The following C10orf71 variants were observed in gnomAD, a reference collection of about 807,000 sequenced individuals.
The protein encoded by C10orf71 is cardiac-enriched FHL2-interacting protein.
For synonymous variants in C10orf71, 758 were observed against 726.3 expected, an observed-to-expected ratio of 1.04 and a Z score of -0.70; for missense variants, 1,869 against 1,804.5, an observed-to-expected ratio of 1.04 and a Z score of -0.65.
chr10:49,324,869 G>T lies in C10orf71; in HGVS notation c.2324G>T (p.Arg775Leu). 6.4e-7 allele frequency: 1 copy of T among 1,551,790 alleles called. No homozygotes were observed. Among genetic ancestry groups the T allele is most frequent in the South Asian group, 1.2e-5 (1 of 84,052 alleles). ...AAGGATGAGAAGGAGAATGTGATGC[G>T]GAAGGATGAGCTGCAGTACTGTGCC... ...SQKDEKENVM[R>L]KDELQYCALS... The change falls in exon 3 of 3, where the codon CGG becomes CTG. Residue 775 changes from arginine (R) to leucine (L), a missense_variant. Coordinates refer to ENST00000374144, the MANE Select transcript of C10orf71 (RefSeq NM_001135196.2).
intron 1 of C10orf71, among the ~76,000 whole-genome samples, chr10:49,307,509 C>T (rs1345531959): frequency 2.6e-5 from 4 of 152,220 alleles, no homozygotes; most frequent in South Asian, 2.1e-4. Context: ...CAAAGAGGTG[C>T]TGCTGACAGC....
intron 1 of C10orf71, among the ~76,000 whole-genome samples, chr10:49,309,508 ATT>A (rs1160652328): frequency 6.6e-6 from 1 of 152,176 alleles, no homozygotes; most frequent in Non-Finnish European, 1.5e-5. Flanking sequence ...GTAAATGTCG[ATT>A]TTAAGCCTCC....
intron 1 of C10orf71, among the ~76,000 whole-genome samples, chr10:49,306,824 G>A (rs904321315): frequency 5.3e-5 from 8 of 152,194 alleles, no homozygotes; most frequent in African/African-American, 1.9e-4. Flanking sequence ...CAGATCCCAG[G>A]GGGACCCACC....
At chr10:49,300,841 G>T (rs1848716987) in intron 1 of C10orf71, among the ~76,000 whole-genome samples, 1 of 152,210 alleles carries the variant, frequency 6.6e-6, no homozygotes, top group Admixed American at 6.5e-5. Context: ...ACTGTGTGCG[G>T]TGGGTAAGAA....
rs375195511 is a variant in C10orf71 at position 49,322,602 on chromosome 10, C to G, written c.57C>G (p.Gly19=). ...CGTTCAGCGACTCCTCCAGCATCGG[C>G]AGCGTGTTGGATGATGCAGACAGGG... ...TDAFSDSSSI[G]SVLDDADREV... is the part of the protein sequence containing the mutation. The change falls in exon 3 of 3, where the codon GGC becomes GGG. Residue 19 remains glycine, a synonymous_variant. Coordinates refer to ENST00000374144, the MANE Select transcript of C10orf71 (RefSeq NM_001135196.2). 3.1e-6 allele frequency: 5 copies of G among 1,612,692 alleles called. No individual in the cohort carries two copies. The East Asian group carries it at 6.7e-5, about 22-fold the overall frequency.
At position 49,324,228 on chromosome 10, in the gene C10orf71, C is replaced by T. The variant is rs750258938; in HGVS notation, c.1683C>T (p.Pro561=). The T allele has an allele frequency of 6.2e-6, 10 of 1,613,780 alleles. No homozygotes were observed. Among genetic ancestry groups the T allele is most frequent in the Admixed American group, 3.3e-5 (2 of 59,996 alleles). ...CAAATGAGCTTTCTAAGGAGAGACC[C>T]GCTGATGACCCCACTGCATCACACA... ...SPPNELSKER[P]ADDPTASHIN... Residue 561 remains proline, a synonymous_variant, in exon 3 of 3, where the codon CCC becomes CCT. Transcript: ENST00000374144.
Position 49,325,821 on chromosome 10 carries a change from G to A in C10orf71, c.3276G>A (p.Glu1092=), listed in dbSNP as rs567505616. 6.4e-7 allele frequency: 1 copy of A among 1,551,412 alleles called. No individual in the cohort carries two copies. Among genetic ancestry groups the A allele is most frequent in the South Asian group, 1.2e-5 (1 of 84,046 alleles). The change falls in exon 3 of 3, where the codon GAG becomes GAA. Residue 1092 remains glutamate, a synonymous_variant. Transcript: ENST00000374144. The part of the protein sequence containing the change: ...APGGPELLPE[E]PNQASPWASS... ...GAGGACCAGAGCTGCTTCCCGAGGA[G>A]CCTAATCAAGCCAGCCCCTGGGCCA...
At chr10:49,310,410 A>G (rs954749988) in intron 1 of C10orf71, among the ~76,000 whole-genome samples, 1 of 152,192 alleles carries the variant, frequency 6.6e-6, no homozygotes, top group Non-Finnish European at 1.5e-5. Context: ...GCCTGAATCC[A>G]CAGGCCAGAG....
chr10:49,320,078 T>C (rs4838382), intron 2 of C10orf71, among the ~76,000 whole-genome samples: 146,782 of 152,230 alleles, frequency 0.96, 71,008 homozygotes, highest in East Asian at 1. Context: ...TACGAATATA[T>C]TTAACACTAC....
chr10:49,321,196 C>A (rs892676029), intron 2 of C10orf71, among the ~76,000 whole-genome samples: 5 of 152,132 alleles, frequency 3.3e-5, no homozygotes, highest in Non-Finnish European at 5.9e-5. Flanking sequence ...TGAAACGTTA[C>A]TTCCTTTGAC....
chr10:49,317,234 C>A (rs775726443), intron 2 of C10orf71, among the ~76,000 whole-genome samples: 4 of 152,100 alleles, frequency 2.6e-5, no homozygotes, highest in Non-Finnish European at 5.9e-5. Flanking sequence ...CATCAAACCC[C>A]ACACCAGCCT....
At chr10:49,314,835 C>T (rs1046667908) in intron 1 of C10orf71, among the ~76,000 whole-genome samples, 1 of 152,184 alleles carries the variant, frequency 6.6e-6, no homozygotes, top group African/African-American at 2.4e-5. Flanking sequence ...CCCTTCTTTT[C>T]TGTGCCTCAG....
chr10:49,312,645 G>A (rs577199712), intron 1 of C10orf71, among the ~76,000 whole-genome samples: 2 of 152,268 alleles, frequency 1.3e-5, no homozygotes, highest in Admixed American at 6.5e-5. Context: ...GTGAAGTCAC[G>A]ATGAAGTCTC....
intron 2 of C10orf71, among the ~76,000 whole-genome samples, chr10:49,321,557 G>GCTTTAATATCCATTTCATTT (rs1194386026): frequency 9.2e-5 from 14 of 152,170 alleles, no homozygotes; most frequent in Non-Finnish European, 1.9e-4. Context: ...TTTCCTTTGG[G>GCTTTAATATCCATTTCATTT]CCTGTACCCA....
At chr10:49,298,363 C>T (rs181415895), upstream of C10orf71, among the ~76,000 whole-genome samples, 111 of 152,322 alleles carry the variant, frequency 7.3e-4, 2 homozygotes, top group South Asian at 2.1e-4. Context: ...CCCACTCTTG[C>T]ATTAAATCCT....
intron 1 of C10orf71, among the ~76,000 whole-genome samples, chr10:49,310,263 G>A (rs1044858726): frequency 7.2e-5 from 11 of 152,330 alleles, no homozygotes; most frequent in Middle Eastern, 3.4e-3. Flanking sequence ...GAACTCAGCT[G>A]AGAAGATCCT....
intron 2 of C10orf71, among the ~76,000 whole-genome samples, chr10:49,319,776 C>CAT (rs1465733078): frequency 7.4e-6 from 1 of 134,580 alleles, no homozygotes; most frequent in Non-Finnish European, 1.6e-5. Flanking sequence ...GTATATCACA[C>CAT]ACACACACAC....
Position 49,325,918 on chromosome 10 carries a change from C to A in C10orf71, c.3373C>A (p.Pro1125Thr). Residue 1125 changes from proline (P) to threonine (T), a missense_variant, in exon 3 of 3, where the codon CCC becomes ACC. By Grantham distance (38) the Pro-to-Thr change is conservative. Transcript: ENST00000374144. ...HALVWEGGSD[P>T]LLELSAEDLR... ...CCTCGTGTGGGAGGGCGGCTCTGACCCCCTACTTGAGCTGTCGGCAGAAGA... is the reference window on the plus strand; with the variant it reads ...CCTCGTGTGGGAGGGCGGCTCTGACACCCTACTTGAGCTGTCGGCAGAAGA... 3.9e-6 allele frequency: 6 copies of A among 1,550,818 alleles called. No individual in the cohort carries two copies. The highest frequency in any genetic ancestry group is 4.4e-6 in the Non-Finnish European group (5 of 1,146,402).
intron 1 of C10orf71, among the ~76,000 whole-genome samples, chr10:49,310,825 G>A (rs1354977712): frequency 6.6e-6 from 1 of 152,132 alleles, no homozygotes; most frequent in Non-Finnish European, 1.5e-5. Flanking sequence ...TGATGAAGAA[G>A]AAGAAGAGGA....
Sources: gnomAD v4.1 joint callset for allele counts (sites outside exome capture counted in the v4.1 genomes callset) on GRCh38, gnomAD v4.1.1 for gene constraint, MANE v1.5 for transcripts, NCBI Gene and HGNC (gene_info 2026-07-23, HGNC 2026-07-21) for gene names.